Variants in INPP4B observed in about 807,000 individuals in gnomAD.
The protein encoded by INPP4B is inositol polyphosphate-4-phosphatase type II B.
Under a neutral mutation model 122.5 loss-of-function variants are expected in INPP4B, and 55 were observed. The ratio of observed to expected loss-of-function variants is 0.45; its 90% CI spans 0.36 to 0.56. The LOEUF is 0.56. INPP4B is among the 20% of genes least tolerant of loss of function. INPP4B has a pLI of 0.00. For synonymous variants in INPP4B, 403 were observed against 388.7 expected (o/e 1.04, Z -0.43); for missense variants, 1,000 against 1,097.7 (o/e 0.91, Z 1.26).
intron 12 of INPP4B, 29 bp from the exon 13 acceptor site, chr4:142,209,055 T>C: frequency 6.4e-7 from 1 of 1,551,976 alleles, no homozygotes; most frequent in South Asian, 1.2e-5. Context: ...AAGAGAAACT[T>C]TATTTTTATC....
At chr4:142,223,723 C>T (rs1850347524) in intron 12 of INPP4B, among the ~76,000 whole-genome samples, 1 of 152,046 alleles carries the variant, frequency 6.6e-6, no homozygotes, top group South Asian at 2.1e-4. Flanking sequence ...ATGATGAATA[C>T]CATACCACAT....
chr4:142,742,458 T>G (rs1768044740), intron 1 of INPP4B, among the ~76,000 whole-genome samples: 1 of 152,002 alleles, frequency 6.6e-6, no homozygotes, highest in African/African-American at 2.4e-5. Flanking sequence ...AAGTGCAAAC[T>G]AAGACAATTA....
At chr4:142,738,084 T>A (rs762452177) in intron 1 of INPP4B, among the ~76,000 whole-genome samples, 56 of 152,286 alleles carry the variant, frequency 3.7e-4, no homozygotes, top group Middle Eastern at 3.4e-3. Flanking sequence ...AGAAATACCA[T>A]TTGACCCAGC....
chr4:142,540,259 T>C (rs1828779978), intron 2 of INPP4B, among the ~76,000 whole-genome samples: 2 of 151,942 alleles, frequency 1.3e-5, no homozygotes, highest in Non-Finnish European at 2.9e-5. Context: ...TTTTCTTTCA[T>C]TTACTGAGGC....
chr4:142,373,767 TAAAG>T (rs1255811271), intron 7 of INPP4B, among the ~76,000 whole-genome samples: 2 of 152,106 alleles, frequency 1.3e-5, no homozygotes, highest in East Asian at 1.9e-4. Context: ...TTAATATAAA[TAAAG>T]AGTCATTTAG....
intron 2 of INPP4B, among the ~76,000 whole-genome samples, chr4:142,617,677 A>G (rs928963016): frequency 7.2e-5 from 11 of 152,090 alleles, no homozygotes; most frequent in African/African-American, 2.4e-4. Context: ...TCCCAAGCAC[A>G]TGACTCCTGG....
In INPP4B at chr4:142,029,986, G is replaced by T. The variant is rs1017980581; in HGVS notation, c.2643-1072C>A. 6.5e-6 allele frequency: 9 copies of T among 1,377,570 alleles called. No individual in the cohort carries two copies. The African/African-American group carries it at 7.3e-5, about 11-fold the overall frequency. The allele number at this position is 1,377,570 out of a possible 1,614,324, so 85.3% of individuals were successfully genotyped here. A position where few individuals can be genotyped will look rare whatever the true frequency, so the allele number is the denominator to read the frequency against. ...AATGCATAGTACTTTTTGTTTTTTAGATTTTAGGAAAAACAAACTAAACAC... is the reference window on the plus strand; with the variant it reads ...AATGCATAGTACTTTTTGTTTTTTATATTTTAGGAAAAACAAACTAAACAC... On this transcript the variant is annotated intron_variant, in intron 25 of 25. Transcript: ENST00000262992.
At chr4:142,067,712 A>T (rs920950131) in intron 25 of INPP4B, among the ~76,000 whole-genome samples, 1 of 152,208 alleles carries the variant, frequency 6.6e-6, no homozygotes, top group Non-Finnish European at 1.5e-5. Flanking sequence ...AATTTGATCA[A>T]GTGGAAGAAA....
At chr4:142,399,097 A>C (rs1236560296) in intron 7 of INPP4B, among the ~76,000 whole-genome samples, 1 of 151,988 alleles carries the variant, frequency 6.6e-6, no homozygotes, top group African/African-American at 2.4e-5. Flanking sequence ...TTACTCATCA[A>C]TATCTTCCAC....
intron 2 of INPP4B, among the ~76,000 whole-genome samples, chr4:142,602,255 C>A (rs944921456): frequency 1.1e-4 from 17 of 151,894 alleles, no homozygotes; most frequent in African/African-American, 3.9e-4. Flanking sequence ...GATAAAATAC[C>A]TAGGGATACA....
intron 2 of INPP4B, among the ~76,000 whole-genome samples, chr4:142,703,122 A>G (rs1762029022): frequency 6.6e-6 from 1 of 152,162 alleles, no homozygotes; most frequent in Non-Finnish European, 1.5e-5. Context: ...AAAACTTGGT[A>G]CAGAACCTGT....
At chr4:142,454,579 G>T (rs1376557698) in intron 3 of INPP4B, among the ~76,000 whole-genome samples, 1 of 151,954 alleles carries the variant, frequency 6.6e-6, no homozygotes, top group Non-Finnish European at 1.5e-5. Flanking sequence ...GTGCTCATCT[G>T]GATCCGTCAT....
At chr4:142,122,889 T>C (rs890100195) in intron 20 of INPP4B, among the ~76,000 whole-genome samples, 2 of 152,116 alleles carry the variant, frequency 1.3e-5, no homozygotes, top group Non-Finnish European at 1.5e-5. Flanking sequence ...GTTTTTGAAA[T>C]CTGGTATGCA....
intron 2 of INPP4B, among the ~76,000 whole-genome samples, chr4:142,491,248 T>G (rs149895177): frequency 6.6e-6 from 1 of 152,018 alleles, no homozygotes; most frequent in Non-Finnish European, 1.5e-5. Flanking sequence ...AAAAATCAAC[T>G]CAAAATGGAT....
chr4:142,607,101 A>G (rs1415281595), intron 2 of INPP4B, among the ~76,000 whole-genome samples: 2 of 151,912 alleles, frequency 1.3e-5, no homozygotes, highest in African/African-American at 4.8e-5. Flanking sequence ...ATATAATACT[A>G]TATCCAAATT....
chr4:142,286,300 T>G (rs1033730905), intron 9 of INPP4B, among the ~76,000 whole-genome samples: 21 of 152,160 alleles, frequency 1.4e-4, no homozygotes, highest in Non-Finnish European at 2.9e-4. Context: ...ATAAGAAAAT[T>G]TATCTATTAG....
chr4:142,656,963 A>G (rs1754270952), intron 2 of INPP4B, among the ~76,000 whole-genome samples: 1 of 152,174 alleles, frequency 6.6e-6, no homozygotes. Context: ...GCAAGCCTCC[A>G]TCTTGCTTTA....
chr4:142,174,000 G>C (rs535583519), intron 15 of INPP4B, among the ~76,000 whole-genome samples, 191 bp from the exon 16 acceptor site: 1 of 152,042 alleles, frequency 6.6e-6, no homozygotes, highest in African/African-American at 2.4e-5. Context: ...TTAAAACTAG[G>C]TAATCTTGTT....
chr4:142,388,012 C>T (rs946574938), intron 7 of INPP4B, among the ~76,000 whole-genome samples: 3 of 152,210 alleles, frequency 2.0e-5, no homozygotes, highest in East Asian at 1.9e-4. Flanking sequence ...GTCTGTGCGA[C>T]CTTTATTATT....
Sources: allele counts gnomAD v4.1 joint callset (sites outside exome capture counted in the v4.1 genomes callset), GRCh38; gene constraint gnomAD v4.1.1; transcripts MANE v1.5; gene names NCBI Gene and HGNC (gene_info 2026-07-23, HGNC 2026-07-21).